Variants in ARHGAP24 observed in about 807,000 individuals in gnomAD.
The protein encoded by ARHGAP24 is rho GTPase-activating protein 24.
ARHGAP24 carries 50 observed loss-of-function variants against 76.4 expected under a neutral mutation model. That is an observed-to-expected ratio of 0.65 (90% CI 0.52 to 0.83). The LOEUF is 0.83. ARHGAP24 is among the 40% of genes least tolerant of loss of function. The probability of loss-of-function intolerance (pLI) is 0.00; values close to 1 mark genes in which losing one functional copy is unlikely to be tolerated. For missense variants in ARHGAP24, 930 were observed against 914.2 expected (o/e 1.02, Z -0.22); for synonymous variants, 345 against 323.3 (o/e 1.07, Z -0.72).
rs953119576 is a variant in ARHGAP24 at position 85,877,504 on chromosome 4, A to G, written c.269-46144A>G. On this transcript the variant is annotated intron_variant, in intron 3 of 9. Transcript: ENST00000395184. ...GCTGGGTGCAGTGACACACACTTGT[A>G]GTCCCAGCTACTCAGGAGGCTGAGG... is the stretch of plus-strand genomic sequence containing the variant. 4.0e-5 allele frequency among the ~76,000 whole-genome samples: 4 copies of G among 99,980 alleles called. No individual in the cohort carries two copies. The East Asian group carries it at 1.4e-3, about 34-fold the overall frequency. 65.6% of individuals were successfully genotyped at this position (99,980 alleles called of 152,430 possible).
chr4:85,636,806 G>A (rs555899440), intron 2 of ARHGAP24, among the ~76,000 whole-genome samples: 7 of 152,036 alleles, frequency 4.6e-5, no homozygotes, highest in South Asian at 2.1e-4. Context: ...GCCAGTTTTT[G>A]CACTAGTCAT....
intron 3 of ARHGAP24, among the ~76,000 whole-genome samples, chr4:85,862,934 T>C (rs900079341): frequency 2.0e-5 from 3 of 152,178 alleles, no homozygotes; most frequent in African/African-American, 7.2e-5. Flanking sequence ...TCTCCTGAAA[T>C]GTCTCTCTCT....
chr4:85,764,913 ACT>A (rs1726868789), intron 3 of ARHGAP24, among the ~76,000 whole-genome samples: 1 of 152,136 alleles, frequency 6.6e-6, no homozygotes, highest in Non-Finnish European at 1.5e-5. Flanking sequence ...AAACCAGTAT[ACT>A]TGTTCCTTGC....
In ARHGAP24 at chr4:85,584,178, A is replaced by T. The variant is rs1431452057; in HGVS notation, c.180+13457A>T. ...TGTGGCACTATTCACAATAGCAAAG[A>T]CTTGGAACCAACCCAGATGTCCAAC... On this transcript the variant is annotated intron_variant, in intron 2 of 9. Coordinates refer to ENST00000395184, the MANE Select transcript of ARHGAP24 (RefSeq NM_001025616.3). Among the ~76,000 whole-genome samples, 5 of 152,092 alleles carry T rather than the reference A, an allele frequency of 3.3e-5. No individual in the cohort carries two copies. The South Asian group carries it at 1.0e-3, about 32-fold the overall frequency.
intron 3 of ARHGAP24, among the ~76,000 whole-genome samples, chr4:85,744,308 G>A (rs1455010319): frequency 6.6e-6 from 1 of 152,184 alleles, no homozygotes; most frequent in African/African-American, 2.4e-5. Flanking sequence ...TCTGGCTTAT[G>A]TTCCTTGGAA....
chr4:85,698,963 C>T (rs1007545737), intron 2 of ARHGAP24, among the ~76,000 whole-genome samples: 7 of 152,182 alleles, frequency 4.6e-5, no homozygotes, highest in African/African-American at 1.7e-4. Context: ...CCCCCACTTG[C>T]TCCTCCTTTG....
At chr4:85,856,607 A>T (rs1266644349) in intron 3 of ARHGAP24, among the ~76,000 whole-genome samples, 2 of 151,542 alleles carry the variant, frequency 1.3e-5, no homozygotes, top group Non-Finnish European at 2.9e-5. Flanking sequence ...AGTAGCTGAG[A>T]TTACAGGCAT....
chr4:85,842,474 T>C (rs985702512), intron 3 of ARHGAP24, among the ~76,000 whole-genome samples: 1 of 152,204 alleles, frequency 6.6e-6, no homozygotes, highest in African/African-American at 2.4e-5. Flanking sequence ...TTATTGTTGT[T>C]ATTACAGGAC....
chr4:85,605,718 A>G (rs78816400), intron 2 of ARHGAP24, among the ~76,000 whole-genome samples: 1 of 152,218 alleles, frequency 6.6e-6, no homozygotes, highest in African/African-American at 2.4e-5. Context: ...GAAGATATAC[A>G]GGGGAATGTT....
At chr4:85,896,916 A>C (rs1021288903) in intron 3 of ARHGAP24, among the ~76,000 whole-genome samples, 1 of 152,190 alleles carries the variant, frequency 6.6e-6, no homozygotes, top group Non-Finnish European at 1.5e-5. Flanking sequence ...AGCACTGGCT[A>C]TAAAGTGTCA....
At chr4:85,540,059 C>A (rs74489726) in intron 1 of ARHGAP24, among the ~76,000 whole-genome samples, 18,775 of 151,712 alleles carry the variant, frequency 0.12, 3,270 homozygotes, top group African/African-American at 0.39. Flanking sequence ...TAAATAAATA[C>A]ATAATAAAAT....
At chr4:85,505,265 C>G (rs563499712) in intron 1 of ARHGAP24, among the ~76,000 whole-genome samples, 2 of 152,270 alleles carry the variant, frequency 1.3e-5, no homozygotes, top group African/African-American at 4.8e-5. Flanking sequence ...TGAATGTTGG[C>G]CTGCCTTGCT....
intron 3 of ARHGAP24, among the ~76,000 whole-genome samples, chr4:85,770,928 T>G (rs554235271): frequency 3.1e-4 from 47 of 152,186 alleles, no homozygotes; most frequent in Non-Finnish European, 5.9e-4. Context: ...TTGATTTAGT[T>G]GGGTGTTCAT....
chr4:85,606,125 G>A (rs1426636881), intron 2 of ARHGAP24, among the ~76,000 whole-genome samples: 3 of 152,098 alleles, frequency 2.0e-5, no homozygotes. Context: ...AAAATGTTTT[G>A]AATACCTACT....
In ARHGAP24 at chr4:85,871,332, G is replaced by A. The variant is rs1331864008; in HGVS notation, c.269-52316G>A. On this transcript the variant is annotated intron_variant, in intron 3 of 9. Coordinates refer to ENST00000395184, the MANE Select transcript of ARHGAP24 (RefSeq NM_001025616.3). ...ACAAATTAATAATTTATGAAAGCTG[G>A]CAAATACAAACATCAAAAAGATCCA... 3.3e-5 allele frequency among the ~76,000 whole-genome samples: 5 copies of A among 152,030 alleles called. No individual in the cohort carries two copies. The East Asian group carries it at 9.6e-4, about 29-fold the overall frequency.
intron 3 of ARHGAP24, among the ~76,000 whole-genome samples, chr4:85,909,852 G>A (rs947430070): frequency 6.6e-6 from 1 of 152,164 alleles, no homozygotes; most frequent in African/African-American, 2.4e-5. Context: ...AGGATCCTTG[G>A]GGTGTCCCTT....
intron 2 of ARHGAP24, among the ~76,000 whole-genome samples, chr4:85,581,744 T>C (rs11931290): frequency 0.37 from 56,487 of 152,036 alleles, 12,661 homozygotes; most frequent in Non-Finnish European, 0.51. Context: ...TTCCTAGTTT[T>C]TTTTAAATTC....
chr4:85,964,520 G>A (rs1738457647), intron 5 of ARHGAP24, among the ~76,000 whole-genome samples: 1 of 151,980 alleles, frequency 6.6e-6, no homozygotes, highest in Admixed American at 6.6e-5. Context: ...ACCACTTAGA[G>A]GCCAGCAGAG....
intron 4 of ARHGAP24, among the ~76,000 whole-genome samples, chr4:85,936,527 T>G (rs998930980): frequency 2.6e-5 from 4 of 151,988 alleles, no homozygotes; most frequent in Non-Finnish European, 4.4e-5. Flanking sequence ...GCTCATAGGA[T>G]AGATATATAG....
Sources: allele counts gnomAD v4.1 joint callset (sites outside exome capture counted in the v4.1 genomes callset), GRCh38; gene constraint gnomAD v4.1.1; transcripts MANE v1.5; gene names NCBI Gene and HGNC (gene_info 2026-07-23, HGNC 2026-07-21).